The following GARNL3 variants were observed in gnomAD, a reference collection of about 807,000 sequenced individuals.
GARNL3 encodes the protein GTPase-activating Rap/Ran-GAP domain-like protein 3.
In GARNL3, 63 loss-of-function variants were observed where a neutral mutation model predicts 125.0. The ratio of observed to expected loss-of-function variants is 0.50; its 90% confidence interval spans 0.41 to 0.62. The LOEUF is 0.62. Ranked by LOEUF, GARNL3 falls within the 20% of genes least tolerant of loss-of-function variation. The pLI is 0.00. For synonymous variants in GARNL3, 439 were observed against 457.5 expected (o/e 0.96, Z 0.52); for missense variants, 994 against 1,244.0 (o/e 0.80, Z 3.02).
Position 127,304,581 on chromosome 9 carries a change from G to T in GARNL3, c.220-7055G>T, listed in dbSNP as rs192446003. 4.3e-5 allele frequency among the ~76,000 whole-genome samples: 6 copies of T among 138,668 alleles called. No homozygotes were observed. The East Asian group carries it at 1.3e-3, about 30-fold the overall frequency. The allele number at this position is 138,668 out of a possible 152,430, so 91.0% of individuals were successfully genotyped here. A position where few individuals can be genotyped will look rare whatever the true frequency, so the allele number is the denominator to read the frequency against. On this transcript the variant is annotated intron_variant, in intron 2 of 27. Transcript: ENST00000373387. ...GACAGAGTCTCACTCTGTCACCCAG[G>T]CTGGAGTGCAGTGGTGTGATCTCAG...
At chr9:127,246,513 A>G (rs1197111634) in intron 2 of GARNL3, among the ~76,000 whole-genome samples, 4 of 152,150 alleles carry the variant, frequency 2.6e-5, no homozygotes, top group Non-Finnish European at 5.9e-5. Flanking sequence ...TCATGTAGAA[A>G]ATGATATCGG....
intron 21 of GARNL3, among the ~76,000 whole-genome samples, chr9:127,360,220 A>C (rs1291545977): frequency 6.6e-6 from 1 of 152,022 alleles, no homozygotes; most frequent in Non-Finnish European, 1.5e-5. Context: ...ACAGGGTTTC[A>C]CCATGTTGGC....
intron 1 of GARNL3, 143 bp downstream of exon 1, chr9:127,265,164 C>G: frequency 3.6e-6 from 2 of 558,770 alleles, no homozygotes. Context: ...AATAACTATA[C>G]AAAGGCTATG....
intron 2 of GARNL3, among the ~76,000 whole-genome samples, chr9:127,291,641 T>C (rs1291626992): frequency 1.3e-5 from 2 of 151,500 alleles, no homozygotes; most frequent in Non-Finnish European, 2.9e-5. Context: ...GAAAAGAGGC[T>C]GGTACTGCCT....
chr9:127,360,008 G>GGA (rs1554730208), intron 21 of GARNL3, among the ~76,000 whole-genome samples: 3 of 150,958 alleles, frequency 2.0e-5, no homozygotes, highest in Non-Finnish European at 4.4e-5. Flanking sequence ...TTTCCTAAGA[G>GGA]AAAAAAAAAT....
chr9:127,264,554 G>T, upstream of GARNL3: 1 of 1,031,202 alleles, frequency 9.7e-7, no homozygotes, highest in Non-Finnish European at 1.2e-6. Context: ...TCTCTTAAAT[G>T]AAAGATAATT....
chr9:127,382,658 C>T (rs76742902), intron 22 of GARNL3, among the ~76,000 whole-genome samples: 1 of 152,218 alleles, frequency 6.6e-6, no homozygotes, highest in African/African-American at 2.4e-5. Flanking sequence ...TGATGGACCT[C>T]TGTAATAAAT....
chr9:127,229,197 T>A (rs1339682451), intron 1 of GARNL3, among the ~76,000 whole-genome samples: 1 of 152,262 alleles, frequency 6.6e-6, no homozygotes, highest in Non-Finnish European at 1.5e-5. Flanking sequence ...TCTCCCCTTA[T>A]TTTTGTTGCT....
At chr9:127,345,546 T>C (rs759184715) in intron 16 of GARNL3, 69 bp downstream of exon 16, 30 of 1,057,346 alleles carry the variant, frequency 2.8e-5, no homozygotes, top group Non-Finnish European at 4.0e-5. Flanking sequence ...ATTGAGATTA[T>C]TGGAAAAAGG....
chr9:127,225,257 G>A (rs1588643996), intron 1 of GARNL3: 13 of 674,006 alleles, frequency 1.9e-5, no homozygotes, highest in Admixed American at 6.4e-5. Context: ...CGAGCGGCCG[G>A]CCGAGGCCCG....
At position 127,313,292 on chromosome 9, in the gene GARNL3, G is replaced by A. The variant is rs940451762; in HGVS notation, c.320-149G>A. The A allele has an allele frequency of 4.5e-5, 31 of 686,144 alleles. No homozygotes were observed. The East Asian group carries it at 7.3e-4, about 16-fold the overall frequency. The allele number at this position is 686,144 out of a possible 1,614,324, so 42.5% of individuals were successfully genotyped here. A position where few individuals can be genotyped will look rare whatever the true frequency, so the allele number is the denominator to read the frequency against. On this transcript the variant is annotated intron_variant, in intron 3 of 27. Coordinates refer to ENST00000373387, the MANE Select transcript of GARNL3 (RefSeq NM_032293.5). Reference sequence around the variant, plus strand: ...GGGGCAGAGGAATACATGATCCCCCGAGAGAGATCAGGGTCCATCCCAAGC... The same window carrying A: ...GGGGCAGAGGAATACATGATCCCCCAAGAGAGATCAGGGTCCATCCCAAGC...
intron 1 of GARNL3, among the ~76,000 whole-genome samples, chr9:127,231,050 A>ATATATATTTTTT (rs1161629810): frequency 1.0e-4 from 9 of 89,546 alleles, no homozygotes; most frequent in African/African-American, 7.1e-4. Context: ...ATATATATAT[A>ATATATATTTTTT]TTTTTTTTTT....
At chr9:127,261,395 T>G (rs1018906434), upstream of GARNL3, among the ~76,000 whole-genome samples, 1 of 149,332 alleles carries the variant, frequency 6.7e-6, no homozygotes, top group African/African-American at 2.5e-5. Flanking sequence ...TGGGAAGGTG[T>G]TTTTTTTGTT....
intron 1 of GARNL3, among the ~76,000 whole-genome samples, chr9:127,231,052 T>TATATA (rs1271085624): frequency 0.027 from 1,959 of 71,902 alleles, 20 homozygotes; most frequent in East Asian, 0.088. Context: ...ATATATATAT[T>TATATA]TTTTTTTTTT....
chr9:127,279,872 T>C (rs2064059658), intron 1 of GARNL3, among the ~76,000 whole-genome samples: 1 of 152,230 alleles, frequency 6.6e-6, no homozygotes, highest in South Asian at 2.1e-4. Context: ...CATTTGGGAC[T>C]GTAGCTTCTC....
chr9:127,257,241 G>T (rs946440960), intron 2 of GARNL3, among the ~76,000 whole-genome samples: 3 of 152,172 alleles, frequency 2.0e-5, no homozygotes, highest in African/African-American at 7.2e-5. Flanking sequence ...GAACATTTTT[G>T]TGCAGGGTGT....
chr9:127,260,006 G>A (rs574247652), upstream of GARNL3, among the ~76,000 whole-genome samples: 30 of 152,274 alleles, frequency 2.0e-4, no homozygotes, highest in African/African-American at 5.5e-4. Flanking sequence ...GCACTCTAGC[G>A]TGGGCAACAG....
chr9:127,242,942 G>T lies in GARNL3; in HGVS notation c.-28-137G>T. 1 of 630,930 alleles carries T rather than the reference G, an allele frequency of 1.6e-6. No individual in the cohort carries two copies. The highest frequency in any genetic ancestry group is 1.9e-5 in the South Asian group (1 of 53,372). 39.1% of individuals were successfully genotyped at this position (630,930 alleles called of 1,614,324 possible). ...TATGCGGTCTTGGTGGGGCCCCTGG[G>T]TCTTGAGGGTGCTTCAGTGTCACCC... On this transcript the variant is annotated intron_variant, in intron 1 of 10. Transcript: ENST00000439286. The surrounding 1 kb of genome is among the most constrained non-coding windows in gnomAD (Gnocchi z 4.6).
intron 25 of GARNL3, 62 bp from the exon 26 acceptor site, chr9:127,388,842 C>T (rs1832683738): frequency 1.0e-6 from 1 of 990,022 alleles, no homozygotes; most frequent in Non-Finnish European, 1.6e-6. Context: ...AGAAATTACT[C>T]TCTTGTAAAT....
Sources: gnomAD v4.1 joint callset for allele counts (sites outside exome capture counted in the v4.1 genomes callset) on GRCh38, gnomAD v4.1.1 for gene constraint, Gnocchi (gnomAD v3.1) non-coding constraint, MANE v1.5 for transcripts, NCBI Gene and HGNC (gene_info 2026-07-23, HGNC 2026-07-21) for gene names.